PSD3: variants seen among roughly 807,000 people sequenced by gnomAD.
PSD3 encodes the protein pleckstrin and Sec7 domain containing 3, also known as PH and SEC7 domain-containing protein 3.
PSD3 carries 49 observed loss-of-function variants against 105.5 expected under a neutral mutation model. That is an observed-to-expected ratio of 0.46 (90% CI 0.37 to 0.59). The LOEUF (loss-of-function observed/expected upper bound fraction) is 0.59, where lower values mean the gene tolerates loss of function less well. Ranked by LOEUF, PSD3 falls within the 20% of genes least tolerant of loss-of-function variation. The pLI is 0.00. For missense variants in PSD3, 1,561 were observed against 1,263.8 expected, an observed-to-expected ratio of 1.24 and a Z score of -3.57; for synonymous variants, 557 against 457.8, an observed-to-expected ratio of 1.22 and a Z score of -2.77.
intron 9 of PSD3, among the ~76,000 whole-genome samples, chr8:18,719,255 A>T (rs1343381455): frequency 6.6e-6 from 1 of 152,212 alleles, no homozygotes; most frequent in African/African-American, 2.4e-5. Flanking sequence ...CAATACACAG[A>T]GTTCCTCTAA....
intron 12 of PSD3, among the ~76,000 whole-genome samples, chr8:18,584,706 A>G (rs1050908869): frequency 1.3e-5 from 2 of 152,184 alleles, no homozygotes; most frequent in African/African-American, 4.8e-5. Context: ...TTATTCTTTT[A>G]GATATGAAAT....
intron 9 of PSD3, among the ~76,000 whole-genome samples, chr8:18,699,417 T>C (rs1044311731): frequency 5.3e-5 from 8 of 152,340 alleles, no homozygotes; most frequent in East Asian, 1.9e-4. Context: ...ACTACAGTAA[T>C]GTAGCCTACT....
At chr8:18,541,889 T>G (rs1044894221) in intron 15 of PSD3, among the ~76,000 whole-genome samples, 4 of 152,002 alleles carry the variant, frequency 2.6e-5, no homozygotes, top group African/African-American at 9.7e-5. Flanking sequence ...TAGCTGGGAT[T>G]ACAGGTATGC....
At chr8:18,828,051 A>G (rs1173566911) in intron 4 of PSD3, among the ~76,000 whole-genome samples, 1 of 112,498 alleles carries the variant, frequency 8.9e-6, no homozygotes, top group African/African-American at 3.7e-5. Flanking sequence ...ATATATGTAT[A>G]TATATATATA....
intron 10 of PSD3, among the ~76,000 whole-genome samples, chr8:18,652,071 G>C (rs1025731057): frequency 6.6e-6 from 1 of 152,120 alleles, no homozygotes; most frequent in Non-Finnish European, 1.5e-5. Flanking sequence ...TGGTGTGGGA[G>C]GGTGTCAAAG....
chr8:18,894,323 T>A (rs1452903198), intron 2 of PSD3, among the ~76,000 whole-genome samples: 1 of 152,192 alleles, frequency 6.6e-6, no homozygotes, highest in Admixed American at 6.5e-5. Context: ...AGAAGTCACA[T>A]GAAGCGGCAC....
intron 10 of PSD3, among the ~76,000 whole-genome samples, chr8:18,652,884 GT>G (rs1332001296): frequency 1.3e-5 from 2 of 152,136 alleles, no homozygotes; most frequent in African/African-American, 4.8e-5. Context: ...ACCAGTTTTA[GT>G]AGATGTTAAA....
intron 4 of PSD3, among the ~76,000 whole-genome samples, chr8:18,837,443 G>A (rs1401983046): frequency 6.6e-6 from 1 of 152,156 alleles, no homozygotes; most frequent in Non-Finnish European, 1.5e-5. Flanking sequence ...AGCTCAAGAG[G>A]AGTAGGAGCA....
chr8:18,747,542 T>C (rs950368479), intron 9 of PSD3, among the ~76,000 whole-genome samples: 2 of 152,002 alleles, frequency 1.3e-5, no homozygotes, highest in South Asian at 2.1e-4. Context: ...CCTTAGCATA[T>C]TAAAGTGGGA....
At chr8:18,814,147 G>A (rs578054200) in intron 4 of PSD3, among the ~76,000 whole-genome samples, 1 of 152,304 alleles carries the variant, frequency 6.6e-6, no homozygotes, top group African/African-American at 2.4e-5. Context: ...AACCTAATTA[G>A]CAGAATTCCT....
At chr8:18,668,505 A>T (rs1799608826) in intron 9 of PSD3, among the ~76,000 whole-genome samples, 1 of 152,172 alleles carries the variant, frequency 6.6e-6, no homozygotes, top group Non-Finnish European at 1.5e-5. Flanking sequence ...GCCATATATG[A>T]GAGAGGTAGT....
At chr8:18,614,448 C>T (rs1179109823) in intron 11 of PSD3, among the ~76,000 whole-genome samples, 4 of 143,278 alleles carry the variant, frequency 2.8e-5, no homozygotes, top group Non-Finnish European at 6.0e-5. Flanking sequence ...TTAGGTAAAA[C>T]GCAGGATGCT....
At chr8:19,047,276 C>T (rs565077846) in intron 1 of PSD3, among the ~76,000 whole-genome samples, 1 of 152,282 alleles carries the variant, frequency 6.6e-6, no homozygotes, top group Non-Finnish European at 1.5e-5. Context: ...CTGGGACAGC[C>T]TTCATGTGGC....
chr8:19,065,865 T>G (rs1829058075), intron 1 of PSD3, among the ~76,000 whole-genome samples: 2 of 152,162 alleles, frequency 1.3e-5, no homozygotes, highest in South Asian at 4.1e-4. Flanking sequence ...GGGGTGGGGC[T>G]GAAAGTCCCA....
At chr8:18,577,788 C>G (rs1284504202) in intron 12 of PSD3, among the ~76,000 whole-genome samples, 1 of 151,968 alleles carries the variant, frequency 6.6e-6, no homozygotes, top group Non-Finnish European at 1.5e-5. Flanking sequence ...TTTCAAGAAG[C>G]CTTATTTTGA....
rs780386701 is a variant in PSD3 at position 18,683,843 on chromosome 8, C to A, written c.2173-28158G>T. ...TGGACTTTGACCTGTGAGACTGCCGCCGGATAGAATCCTCCCGGGAGTATT... is the reference window on the plus strand; with the variant it reads ...TGGACTTTGACCTGTGAGACTGCCGACGGATAGAATCCTCCCGGGAGTATT... On this transcript the variant is annotated intron_variant, in intron 9 of 15. Transcript: ENST00000327040. The A allele has an allele frequency of 2.9e-4, 219 of 765,308 alleles. 1 individual carries two copies. The South Asian group carries it at 2.9e-3, about 10-fold the overall frequency. 47.4% of individuals were successfully genotyped at this position (765,308 alleles called of 1,614,324 possible). A position where few individuals can be genotyped will look rare whatever the true frequency, so the allele number is the denominator to read the frequency against.
intron 4 of PSD3, among the ~76,000 whole-genome samples, chr8:18,816,777 C>T (rs1812254969): frequency 6.6e-6 from 1 of 152,208 alleles, no homozygotes; most frequent in South Asian, 2.1e-4. Context: ...ACGACTCACA[C>T]ACTGTTCCAG....
At chr8:18,919,900 A>T (rs904133594) in intron 2 of PSD3, among the ~76,000 whole-genome samples, 1 of 150,662 alleles carries the variant, frequency 6.6e-6, no homozygotes, top group Admixed American at 6.6e-5. Flanking sequence ...ACCTAATGCT[A>T]GATGACGAGT....
intron 1 of PSD3, among the ~76,000 whole-genome samples, chr8:19,038,356 T>C (rs190533703): frequency 6.6e-6 from 1 of 152,340 alleles, no homozygotes; most frequent in African/African-American, 2.4e-5. Context: ...TTTTCTTTCT[T>C]TTACAGGACT....
Sources: allele counts gnomAD v4.1 joint callset (sites outside exome capture counted in the v4.1 genomes callset), GRCh38; gene constraint gnomAD v4.1.1; transcripts MANE v1.5; gene names NCBI Gene and HGNC (gene_info 2026-07-23, HGNC 2026-07-21).